Variants in TRABD2B observed in about 807,000 individuals in gnomAD.
The protein encoded by TRABD2B is metalloprotease TIKI2.
Under a neutral mutation model 40.1 loss-of-function variants are expected in TRABD2B, and 14 were observed. That is an observed-to-expected ratio of 0.35 (90% CI 0.23 to 0.55). TRABD2B has a LOEUF of 0.55. TRABD2B is among the 20% of genes least tolerant of loss of function. The probability of loss-of-function intolerance (pLI) is 0.90; values close to 1 mark genes in which losing one functional copy is unlikely to be tolerated. For synonymous variants in TRABD2B, 263 were observed against 277.0 expected (o/e 0.95, Z 0.50); for missense variants, 541 against 648.6 (o/e 0.83, Z 1.80).
intron 2 of TRABD2B, among the ~76,000 whole-genome samples, chr1:47,950,819 AG>A (rs1270993740): frequency 6.6e-6 from 1 of 152,232 alleles, no homozygotes; most frequent in East Asian, 1.9e-4. Context: ...CAAGTCGCTC[AG>A]CCCCTTGATG....
chr1:47,986,985 AAG>A (rs1350662906), intron 2 of TRABD2B, among the ~76,000 whole-genome samples: 5 of 152,186 alleles, frequency 3.3e-5, no homozygotes, highest in Non-Finnish European at 5.9e-5. Flanking sequence ...TCAAGGGGAA[AAG>A]AGCGTCAGCA....
intron 2 of TRABD2B, among the ~76,000 whole-genome samples, chr1:47,879,840 T>C (rs927291614): frequency 1.3e-5 from 2 of 152,212 alleles, no homozygotes; most frequent in Non-Finnish European, 2.9e-5. Context: ...GTAGGGCTGT[T>C]ACTGATGTGG....
At chr1:47,840,105 G>A (rs935820645) in intron 2 of TRABD2B, among the ~76,000 whole-genome samples, 4 of 152,092 alleles carry the variant, frequency 2.6e-5, no homozygotes, top group African/African-American at 4.8e-5. Flanking sequence ...GTGAACAATC[G>A]GAGGATCTTG....
chr1:47,841,306 G>A (rs1479147949), intron 2 of TRABD2B, among the ~76,000 whole-genome samples: 1 of 152,132 alleles, frequency 6.6e-6, no homozygotes, highest in African/African-American at 2.4e-5. Context: ...CCTAAGGCAG[G>A]CCAAGGCTTT....
At chr1:47,881,521 C>T (rs76577763) in intron 2 of TRABD2B, among the ~76,000 whole-genome samples, 3,578 of 152,272 alleles carry the variant, frequency 0.023, 115 homozygotes, top group Admixed American at 0.094. Flanking sequence ...CCGCACTTTA[C>T]AGTTGAGGAA....
At chr1:47,847,115 A>C (rs796844338) in intron 2 of TRABD2B, among the ~76,000 whole-genome samples, 1 of 152,176 alleles carries the variant, frequency 6.6e-6, no homozygotes, top group Non-Finnish European at 1.5e-5. Context: ...CTTTTCCTGG[A>C]AACTGCTCCT....
chr1:47,989,309 G>C (rs1185360411), intron 2 of TRABD2B, among the ~76,000 whole-genome samples: 2 of 152,236 alleles, frequency 1.3e-5, no homozygotes, highest in African/African-American at 2.4e-5. Flanking sequence ...TCCTTGCTGT[G>C]ATTTATACTT....
At chr1:47,965,202 G>GGGGGGGGGGT (rs1570380905) in intron 2 of TRABD2B, among the ~76,000 whole-genome samples, 1 of 81,578 alleles carries the variant, frequency 1.2e-5, no homozygotes, top group African/African-American at 5.6e-5. Flanking sequence ...GGCGGGGGGC[G>GGGGGGGGGGT]GGGGGGGGTG....
At chr1:47,959,001 T>C (rs1645467886) in intron 2 of TRABD2B, among the ~76,000 whole-genome samples, 1 of 152,122 alleles carries the variant, frequency 6.6e-6, no homozygotes, top group African/African-American at 2.4e-5. Context: ...ACAGAAATTA[T>C]AACAAACTGT....
chr1:47,777,901 G>T lies in TRABD2B; in HGVS notation c.1079+553C>A, dbSNP rs115621903. On this transcript the variant is annotated intron_variant, in intron 5 of 6. Transcript: ENST00000606738. ...GCAGCTCCCAGACTGTGGGGGTGGG[G>T]GTTGGAAGACCTGGCAGGAATAGCG... 7.0e-3 allele frequency among the ~76,000 whole-genome samples: 1,070 copies of T among 152,312 alleles called. 16 individuals are homozygous for T. Among genetic ancestry groups the T allele is most frequent in the African/African-American group, 0.024 (1,004 of 41,558 alleles).
rs531477359 is a variant in TRABD2B at position 47,826,752 on chromosome 1, T to C, written c.667-25133A>G. Among the ~76,000 whole-genome samples, 4 of 152,318 alleles carry C rather than the reference T, an allele frequency of 2.6e-5. No homozygotes were observed. In the South Asian group the frequency reaches 8.3e-4, roughly 32 times the overall value. Reference sequence around the variant, plus strand: ...TCATGCCTGGCTAATTTTTAATTTTTAGTGGAGACGTGATCTTGTTATGTT... The same window carrying C: ...TCATGCCTGGCTAATTTTTAATTTTCAGTGGAGACGTGATCTTGTTATGTT... On this transcript the variant is annotated intron_variant, in intron 2 of 6. Transcript: ENST00000606738.
At chr1:47,944,122 G>A (rs1458311636) in intron 2 of TRABD2B, among the ~76,000 whole-genome samples, 2 of 152,196 alleles carry the variant, frequency 1.3e-5, no homozygotes, top group African/African-American at 4.8e-5. Flanking sequence ...GGGGAATAAA[G>A]GATGATGCTG....
At chr1:47,878,108 A>C (rs1644249910) in intron 2 of TRABD2B, among the ~76,000 whole-genome samples, 1 of 152,112 alleles carries the variant, frequency 6.6e-6, no homozygotes, top group South Asian at 2.1e-4. Flanking sequence ...TGAGGTCAGG[A>C]GTTCAAGACC....
intron 2 of TRABD2B, among the ~76,000 whole-genome samples, chr1:47,822,526 C>T (rs1376429395): frequency 6.6e-6 from 1 of 152,190 alleles, no homozygotes; most frequent in East Asian, 1.9e-4. Flanking sequence ...CACTTGCTCA[C>T]TCTGTGACTC....
chr1:47,895,865 C>A (rs571857424), intron 2 of TRABD2B, among the ~76,000 whole-genome samples: 1 of 152,360 alleles, frequency 6.6e-6, no homozygotes, highest in Admixed American at 6.5e-5. Flanking sequence ...CCCAGGCCTG[C>A]CTCCTCGTAC....
rs543693109 is a variant in TRABD2B, at chr1:47,984,719, T to A, written c.666+9315A>T. 1.6e-3 allele frequency among the ~76,000 whole-genome samples: 250 copies of A among 152,228 alleles called. 1 individual carries two copies. Among genetic ancestry groups the A allele is most frequent in the African/African-American group, 5.5e-3 (228 of 41,544 alleles). ...TACCTGGCTTTTTTACTCCCTCCGA[T>A]CTCAGGTTCACCTGGGCTTCTTCCA... On this transcript the variant is annotated intron_variant, in intron 2 of 6. Transcript: ENST00000606738.
At chr1:47,911,107 A>G (rs974288267) in intron 2 of TRABD2B, among the ~76,000 whole-genome samples, 1 of 152,192 alleles carries the variant, frequency 6.6e-6, no homozygotes, top group African/African-American at 2.4e-5. Flanking sequence ...GGATTTTTAC[A>G]TGGGGGAAAA....
At chr1:47,903,981 G>A (rs550958515) in intron 2 of TRABD2B, among the ~76,000 whole-genome samples, 2 of 152,144 alleles carry the variant, frequency 1.3e-5, no homozygotes, top group Non-Finnish European at 2.9e-5. Flanking sequence ...CACACCCACT[G>A]AGCACAACCT....
At chr1:47,775,494 G>A (rs1217113239) in intron 5 of TRABD2B, 55 bp from the exon 6 acceptor site, 6 of 1,230,022 alleles carry the variant, frequency 4.9e-6, no homozygotes, top group Non-Finnish European at 2.0e-6. Context: ...TCATCCATGT[G>A]TGGTGGGAAT....
Sources: allele counts gnomAD v4.1 joint callset (sites outside exome capture counted in the v4.1 genomes callset), GRCh38; gene constraint gnomAD v4.1.1; transcripts MANE v1.5; gene names NCBI Gene and HGNC (gene_info 2026-07-23, HGNC 2026-07-21).